Variants in NR2C2 observed in about 807,000 individuals in gnomAD.
The protein encoded by NR2C2 is nuclear receptor subfamily 2 group C member 2.
A neutral mutation model predicts 62.9 loss-of-function variants in NR2C2; 6 were observed. That is an observed-to-expected ratio of 0.10 (90% CI 0.05 to 0.19). The LOEUF is 0.19. Among genes scored for constraint, NR2C2 ranks in the 10% least tolerant of loss-of-function variants. NR2C2 has a pLI of 1.00. For synonymous variants in NR2C2, 272 were observed against 273.8 expected (o/e 0.99, Z 0.07); for missense variants, 479 against 762.7 (o/e 0.63, Z 4.38).
intron 1 of NR2C2, among the ~76,000 whole-genome samples, chr3:14,974,462 A>G (rs1469004223): frequency 6.6e-6 from 1 of 152,228 alleles, no homozygotes; most frequent in Non-Finnish European, 1.5e-5. Flanking sequence ...TTGAGTTTGT[A>G]GATGGCTTTG....
chr3:14,999,959 A>G (rs2040942199), intron 1 of NR2C2, among the ~76,000 whole-genome samples: 1 of 152,196 alleles, frequency 6.6e-6, no homozygotes, highest in Admixed American at 6.5e-5. Context: ...CCGTGACTAC[A>G]ATGTGTAAAA....
chr3:14,998,313 ACTCTGTGTTTACC>A (rs1470019015), intron 1 of NR2C2, among the ~76,000 whole-genome samples: 1 of 152,066 alleles, frequency 6.6e-6, no homozygotes, highest in Non-Finnish European at 1.5e-5. Context: ...TCATATGGCA[ACTCTGTGTTTACC>A]CTTTGAGGAA....
At chr3:14,971,037 G>A (rs978579652) in intron 1 of NR2C2, among the ~76,000 whole-genome samples, 4 of 152,220 alleles carry the variant, frequency 2.6e-5, no homozygotes, top group African/African-American at 4.8e-5. Context: ...TCAGCTGTAT[G>A]CTAGTGTGAG....
intron 5 of NR2C2, among the ~76,000 whole-genome samples, chr3:15,021,268 G>A (rs573408495): frequency 6.6e-6 from 1 of 152,234 alleles, no homozygotes; most frequent in East Asian, 1.9e-4. Context: ...GAGGATACAC[G>A]TAGCCTCTCA....
chr3:15,018,907 T>G (rs2041589335), intron 4 of NR2C2, among the ~76,000 whole-genome samples: 1 of 150,440 alleles, frequency 6.6e-6, no homozygotes, highest in Non-Finnish European at 1.5e-5. Flanking sequence ...CCCAGCTACT[T>G]GGGAGGCTCA....
intron 1 of NR2C2, among the ~76,000 whole-genome samples, chr3:14,973,203 C>T (rs2040100826): frequency 6.6e-6 from 1 of 152,170 alleles, no homozygotes; most frequent in African/African-American, 2.4e-5. Context: ...GAAATTATCG[C>T]CAAGTCCAAT....
intron 11 of NR2C2, among the ~76,000 whole-genome samples, chr3:15,037,278 T>A (rs566072530): frequency 1.3e-5 from 2 of 152,060 alleles, no homozygotes; most frequent in Non-Finnish European, 2.9e-5. Flanking sequence ...ATGATGTTGC[T>A]CAAGCTGGTC....
intron 1 of NR2C2, among the ~76,000 whole-genome samples, chr3:14,994,103 C>T (rs1472531961): frequency 2.6e-5 from 4 of 152,174 alleles, no homozygotes; most frequent in Admixed American, 6.5e-5. Context: ...GTTTTAATGA[C>T]ATAGAAAACT....
At chr3:15,029,814 TAG>T (rs2041922914) in intron 8 of NR2C2, among the ~76,000 whole-genome samples, 1 of 123,046 alleles carries the variant, frequency 8.1e-6, no homozygotes, top group South Asian at 2.4e-4. Flanking sequence ...GATAGATAGA[TAG>T]ATAGATAGAT....
chr3:15,010,268 A>T (rs780790326), intron 2 of NR2C2, among the ~76,000 whole-genome samples: 6 of 150,066 alleles, frequency 4.0e-5, no homozygotes, highest in Non-Finnish European at 5.9e-5. Context: ...TATTTGGGAG[A>T]TTTTTTTTTC....
intron 1 of NR2C2, among the ~76,000 whole-genome samples, chr3:14,964,327 G>A (rs1226245220): frequency 2.6e-5 from 4 of 152,096 alleles, no homozygotes; most frequent in Non-Finnish European, 4.4e-5. Context: ...GTGAGTGATG[G>A]CAGTCATGGT....
At chr3:15,020,659 T>A (rs2125018015) in intron 4 of NR2C2, 94 bp from the exon 5 acceptor site, 1 of 1,438,778 alleles carries the variant, frequency 7.0e-7, no homozygotes, top group East Asian at 2.3e-5. Flanking sequence ...ACCCATCACT[T>A]CAATGAGACT....
chr3:15,019,362 G>T (rs1322799298), intron 4 of NR2C2, among the ~76,000 whole-genome samples: 1 of 152,128 alleles, frequency 6.6e-6, no homozygotes, highest in Non-Finnish European at 1.5e-5. Context: ...CTGTATGGAG[G>T]TTCTTCAAAA....
intron 1 of NR2C2, among the ~76,000 whole-genome samples, chr3:14,951,062 A>G (rs1232308772): frequency 2.0e-5 from 3 of 152,242 alleles, no homozygotes; most frequent in East Asian, 1.9e-4. Context: ...TAATAAGTTC[A>G]TATGTGAAGA....
At chr3:15,036,201 A>C (rs959916160) in intron 11 of NR2C2, among the ~76,000 whole-genome samples, 2 of 152,082 alleles carry the variant, frequency 1.3e-5, no homozygotes, top group Non-Finnish European at 2.9e-5. Flanking sequence ...ACAAAAACAA[A>C]AAAAAAACTA....
chr3:14,961,817 T>A (rs2039695129), intron 1 of NR2C2, among the ~76,000 whole-genome samples: 1 of 152,256 alleles, frequency 6.6e-6, no homozygotes, highest in Admixed American at 6.5e-5. Context: ...GAGGACTTAA[T>A]ATAAATTAAT....
intron 1 of NR2C2, chr3:14,959,680 T>A (rs2039636572): frequency 6.6e-6 from 1 of 152,204 alleles, no homozygotes; most frequent in Non-Finnish European, 1.5e-5. Context: ...TGCTGCTCAA[T>A]TCAAGTGTAT....
chr3:14,962,121 C>A (rs1275963391), intron 1 of NR2C2, among the ~76,000 whole-genome samples: 1 of 152,186 alleles, frequency 6.6e-6, no homozygotes, highest in East Asian at 1.9e-4. Context: ...AGAGGTAAAC[C>A]AAGCTGTTAC....
chr3:15,025,933 A>AT (rs1450381527), intron 7 of NR2C2: 1 of 151,808 alleles, frequency 6.6e-6, no homozygotes, highest in Non-Finnish European at 1.5e-5. Context: ...TTTTCTACTG[A>AT]TTCTAGTTTT....
Sources: gnomAD v4.1 joint callset for allele counts (sites outside exome capture counted in the v4.1 genomes callset) on GRCh38, gnomAD v4.1.1 for gene constraint, MANE v1.5 for transcripts, NCBI Gene and HGNC (gene_info 2026-07-23, HGNC 2026-07-21) for gene names.